Variants in PPHLN1 observed in about 807,000 individuals in gnomAD.
PPHLN1 encodes the protein periphilin-1.
Under a neutral mutation model 51.3 loss-of-function variants are expected in PPHLN1, and 29 were observed. That is an observed-to-expected ratio of 0.57 (90% confidence interval 0.42 to 0.77). PPHLN1 has a LOEUF of 0.77. Among genes scored for constraint, PPHLN1 ranks in the 30% least tolerant of loss-of-function variants. The pLI, the probability that PPHLN1 is intolerant of heterozygous loss-of-function variation, is 0.00. For missense variants in PPHLN1, 436 were observed against 438.4 expected (o/e 0.99, Z 0.05); for synonymous variants, 147 against 147.8 (o/e 0.99, Z 0.04).
At chr12:42,342,612 T>G (rs2071669061) in intron 2 of PPHLN1, among the ~76,000 whole-genome samples, 1 of 152,212 alleles carries the variant, frequency 6.6e-6, no homozygotes, top group African/African-American at 2.4e-5. Flanking sequence ...TGTTTGGAAA[T>G]TAGGATCAGA....
At chr12:42,371,455 T>TG (rs2138691814) in intron 4 of PPHLN1, among the ~76,000 whole-genome samples, 1 of 152,292 alleles carries the variant, frequency 6.6e-6, no homozygotes, top group Non-Finnish European at 1.5e-5. Flanking sequence ...CCTCGAGACT[T>TG]GCAGTGTTTG....
At chr12:42,387,674 G>A (rs2077304994) in intron 7 of PPHLN1, 139 bp downstream of exon 7, 9 of 1,110,964 alleles carry the variant, frequency 8.1e-6, no homozygotes, top group African/African-American at 1.6e-5. Flanking sequence ...TTGGCTAGGT[G>A]TGGTGGCTCA....
At chr12:42,442,451 A>G (rs759919472), downstream of PPHLN1, among the ~76,000 whole-genome samples, 2 of 152,214 alleles carry the variant, frequency 1.3e-5, no homozygotes, top group Non-Finnish European at 2.9e-5. Context: ...GGGGGGCGAC[A>G]ATGTTCATTA....
intron 4 of PPHLN1, among the ~76,000 whole-genome samples, chr12:42,367,528 A>T (rs2075387146): frequency 6.6e-6 from 1 of 152,158 alleles, no homozygotes; most frequent in African/African-American, 2.4e-5. Flanking sequence ...TTGGCACAGT[A>T]ACTGATTAGA....
intron 1 of PPHLN1, among the ~76,000 whole-genome samples, chr12:42,328,903 G>A (rs1003650528): frequency 6.6e-5 from 10 of 151,988 alleles, no homozygotes; most frequent in Admixed American, 2.0e-4. Context: ...AAGTGGAGAC[G>A]GGGTATTACT....
chr12:42,396,347 C>G (rs1409209349), intron 8 of PPHLN1, among the ~76,000 whole-genome samples: 1 of 151,930 alleles, frequency 6.6e-6, no homozygotes, highest in African/African-American at 2.4e-5. Context: ...TTTAAATTCA[C>G]TAAATATGCA....
At chr12:42,446,019 G>A (rs1306003063), downstream of PPHLN1, 5 of 1,548,230 alleles carry the variant, frequency 3.2e-6, no homozygotes, top group Admixed American at 8.0e-5. Context: ...ACCATAGTGG[G>A]GCTAGGACCC....
downstream of PPHLN1, chr12:42,443,402 A>G (rs1156811881): frequency 6.6e-6 from 1 of 152,348 alleles, no homozygotes; most frequent in Non-Finnish European, 1.5e-5. Context: ...TGGAGCTGCT[A>G]GTAGCCCATT....
downstream of PPHLN1, chr12:42,445,373 T>C (rs150402928): frequency 5.1e-3 from 2,459 of 484,292 alleles, 56 homozygotes; most frequent in African/African-American, 0.044. Flanking sequence ...GCACGTCCCC[T>C]CCTTCAACAG....
intron 4 of PPHLN1, among the ~76,000 whole-genome samples, chr12:42,364,050 C>T (rs991884485): frequency 6.6e-6 from 1 of 151,800 alleles, no homozygotes; most frequent in African/African-American, 2.4e-5. Flanking sequence ...ATGGCAAAAC[C>T]CTGTCTCTAC....
intron 9 of PPHLN1, among the ~76,000 whole-genome samples, chr12:42,401,031 G>C (rs894475635): frequency 6.6e-6 from 1 of 152,104 alleles, no homozygotes; most frequent in Non-Finnish European, 1.5e-5. Context: ...AACAATTCTG[G>C]GAGGTTTTTG....
chr12:42,404,184 T>A (rs892949903), intron 9 of PPHLN1, among the ~76,000 whole-genome samples: 4 of 152,252 alleles, frequency 2.6e-5, no homozygotes, highest in African/African-American at 9.6e-5. Context: ...TAATACTTTC[T>A]GCCTGTTTCT....
intron 9 of PPHLN1, among the ~76,000 whole-genome samples, chr12:42,403,659 C>T (rs528042302): frequency 6.6e-6 from 1 of 152,178 alleles, no homozygotes; most frequent in South Asian, 2.1e-4. Flanking sequence ...AGTACAGATA[C>T]CAAGTCTTAT....
intron 9 of PPHLN1, among the ~76,000 whole-genome samples, chr12:42,439,897 G>A (rs1045552202): frequency 6.6e-6 from 1 of 151,730 alleles, no homozygotes; most frequent in African/African-American, 2.4e-5. Flanking sequence ...CATTATTATG[G>A]GTTTCCTGCC....
At chr12:42,334,861 G>A (rs917897069) in intron 1 of PPHLN1, among the ~76,000 whole-genome samples, 13 of 152,140 alleles carry the variant, frequency 8.5e-5, no homozygotes, top group Admixed American at 4.6e-4. Flanking sequence ...GCCTGCAAGC[G>A]CTAGCCTGTT....
chr12:42,327,280 T>A (rs2068942742), intron 1 of PPHLN1, among the ~76,000 whole-genome samples: 1 of 152,198 alleles, frequency 6.6e-6, no homozygotes, highest in Admixed American at 6.5e-5. Flanking sequence ...CTTAAACTAT[T>A]TTACATATTC....
chr12:42,400,757 GTCTCTCTCTCTCTCTCTT>G (rs2078748239), intron 9 of PPHLN1, among the ~76,000 whole-genome samples: 1 of 140,590 alleles, frequency 7.1e-6, no homozygotes, highest in Non-Finnish European at 1.5e-5. Flanking sequence ...GCGAGACCCT[GTCTCTCTCTCTCTCTCTT>G]TCTCTCTCTC....
At chr12:42,432,151 G>T in intron 9 of PPHLN1, 1 of 998,514 alleles carries the variant, frequency 1.0e-6, no homozygotes, top group African/African-American at 1.6e-5. Flanking sequence ...CGGCTGTCTC[G>T]ATCATCTTCT....
At chr12:42,395,344 T>C (rs2078105159) in intron 8 of PPHLN1, among the ~76,000 whole-genome samples, 1 of 152,128 alleles carries the variant, frequency 6.6e-6, no homozygotes, top group South Asian at 2.1e-4. Flanking sequence ...TTTCTGTATG[T>C]CATTAATGTT....
Sources: allele counts gnomAD v4.1 joint callset (sites outside exome capture counted in the v4.1 genomes callset), GRCh38; gene constraint gnomAD v4.1.1; transcripts MANE v1.5; gene names NCBI Gene and HGNC (gene_info 2026-07-23, HGNC 2026-07-21).